Variants in TBC1D1 observed in about 807,000 individuals in gnomAD.
The protein encoded by TBC1D1 is TBC1 (tre-2/USP6, BUB2, cdc16) domain family, member 1.
Under a neutral mutation model 125.6 loss-of-function variants are expected in TBC1D1, and 89 were observed. The ratio of observed to expected loss-of-function variants is 0.71; its 90% CI spans 0.60 to 0.85. The LOEUF (loss-of-function observed/expected upper bound fraction) is 0.85. Ranked by LOEUF, TBC1D1 falls within the 40% of genes least tolerant of loss-of-function variation. TBC1D1 has a pLI of 0.00. For missense variants in TBC1D1, 1,377 were observed against 1,469.2 expected (o/e 0.94, Z 1.03); for synonymous variants, 565 against 564.1 (o/e 1.00, Z -0.02).
intron 2 of TBC1D1, among the ~76,000 whole-genome samples, chr4:37,911,131 C>CTTTTTTTT: frequency 1.1e-5 from 1 of 94,920 alleles, no homozygotes; most frequent in South Asian, 4.0e-4. Flanking sequence ...TCCCCTCCTC[C>CTTTTTTTT]TTTTTTTTTT....
chr4:38,103,879 G>T (rs1760798757), intron 15 of TBC1D1, among the ~76,000 whole-genome samples: 1 of 151,614 alleles, frequency 6.6e-6, no homozygotes, highest in Non-Finnish European at 1.5e-5. Flanking sequence ...GGAGGATGTG[G>T]CCGGGCACAG....
At chr4:37,960,814 G>A (rs1729875749) in intron 2 of TBC1D1, 1 of 1,614,044 alleles carries the variant, frequency 6.2e-7, no homozygotes, top group African/African-American at 1.3e-5. Context: ...GACTTTGAGA[G>A]TTTTGACCTG....
At chr4:38,054,563 C>A (rs1045429319) in intron 12 of TBC1D1, among the ~76,000 whole-genome samples, 1 of 152,178 alleles carries the variant, frequency 6.6e-6, no homozygotes, top group African/African-American at 2.4e-5. Context: ...AGGAGCAGAG[C>A]TCTGATGTTT....
At chr4:38,104,656 G>A (rs2152561107) in intron 15 of TBC1D1, among the ~76,000 whole-genome samples, 1 of 152,306 alleles carries the variant, frequency 6.6e-6, no homozygotes, top group East Asian at 1.9e-4. Flanking sequence ...CCACGACAGA[G>A]GATGCAGTGT....
chr4:37,973,233 C>T (rs1732412802), intron 2 of TBC1D1, among the ~76,000 whole-genome samples: 2 of 152,184 alleles, frequency 1.3e-5, no homozygotes, highest in Admixed American at 1.3e-4. Flanking sequence ...AAAGATAACA[C>T]AAACCTTAGA....
intron 8 of TBC1D1, among the ~76,000 whole-genome samples, chr4:38,038,668 C>T (rs890014312): frequency 1.3e-5 from 2 of 152,156 alleles, no homozygotes; most frequent in African/African-American, 2.4e-5. Flanking sequence ...TTTCATCCTG[C>T]CGGGCGCAGT....
At chr4:38,042,335 A>G (rs1287451209) in intron 8 of TBC1D1, among the ~76,000 whole-genome samples, 1 of 151,858 alleles carries the variant, frequency 6.6e-6, no homozygotes, top group Non-Finnish European at 1.5e-5. Context: ...GCTCACTGCA[A>G]TCTCTGCCTC....
chr4:38,137,458 G>T lies in TBC1D1; in HGVS notation c.*123G>T. ...TGCTTCTCAGGGAGGAAACCGGCTT[G>T]CCAGCAAGTAGATTCTTACGAACTC... On this transcript the variant is annotated 3_prime_UTR_variant, in exon 20 of 20. Transcript: ENST00000261439. 2.3e-6 allele frequency: 3 copies of T among 1,290,452 alleles called. No individual in the cohort carries two copies. The highest frequency in any genetic ancestry group is 3.0e-6 in the Non-Finnish European group (3 of 1,012,884). The allele number at this position is 1,290,452 out of a possible 1,614,324, so 79.9% of individuals were successfully genotyped here.
rs770136520 is a variant in TBC1D1 at position 37,902,222 on chromosome 4, G to C, written c.127G>C (p.Val43Leu). 7 of 1,614,008 alleles carry C rather than the reference G, an allele frequency of 4.3e-6. No homozygotes were observed. The highest frequency in any genetic ancestry group is 2.5e-6 in the Non-Finnish European group (3 of 1,180,010). Reference sequence around the variant, plus strand: ...GACCACCATGCCCATGCTGCCCTGGGTTGTGGCTGAGGTGCGAAGACTCAG... The same window carrying C: ...GACCACCATGCCCATGCTGCCCTGGCTTGTGGCTGAGGTGCGAAGACTCAG... The change falls in exon 2 of 20, where the codon GTT becomes CTT. Residue 43 changes from valine (V) to leucine (L), a missense_variant. Coordinates refer to ENST00000261439, the MANE Select transcript of TBC1D1 (RefSeq NM_015173.4).
intron 11 of TBC1D1, among the ~76,000 whole-genome samples, chr4:38,052,712 ACGCGCGCG>A (rs58267781): frequency 4.2e-4 from 53 of 125,618 alleles, no homozygotes; most frequent in African/African-American, 1.5e-3. Context: ...ATACACACAC[ACGCGCGCG>A]CGCGCGCGCA....
intron 15 of TBC1D1, chr4:38,110,478 CA>C (rs1762023538): frequency 1.0e-6 from 1 of 985,144 alleles, no homozygotes; most frequent in South Asian, 4.7e-5. Context: ...GTTAGATGAG[CA>C]AAATTTTGTG....
At chr4:38,125,366 A>G (rs374367045) in intron 18 of TBC1D1, among the ~76,000 whole-genome samples, 7 of 152,330 alleles carry the variant, frequency 4.6e-5, no homozygotes, top group African/African-American at 1.7e-4. Flanking sequence ...AGCTGTAGAA[A>G]CCAGCACAGG....
intron 12 of TBC1D1, among the ~76,000 whole-genome samples, chr4:38,068,198 G>A (rs145705555): frequency 4.6e-5 from 7 of 152,236 alleles, no homozygotes; most frequent in East Asian, 1.9e-4. Flanking sequence ...CAAAACTGTC[G>A]CGGAAATCCC....
chr4:37,944,094 G>A (rs957528965), intron 2 of TBC1D1, among the ~76,000 whole-genome samples: 1 of 152,218 alleles, frequency 6.6e-6, no homozygotes, highest in African/African-American at 2.4e-5. Flanking sequence ...GTTTGCTGGA[G>A]GTCCACTCCA....
chr4:37,916,035 T>A (rs1240186705), intron 2 of TBC1D1, among the ~76,000 whole-genome samples: 1 of 152,200 alleles, frequency 6.6e-6, no homozygotes, highest in Non-Finnish European at 1.5e-5. Context: ...TCCTTTTAGA[T>A]GCAACTGGAG....
chr4:37,955,619 T>G (rs190490452), intron 2 of TBC1D1, among the ~76,000 whole-genome samples: 6 of 152,292 alleles, frequency 3.9e-5, no homozygotes, highest in African/African-American at 1.4e-4. Context: ...ATATTTACAA[T>G]CCACGGTTGG....
chr4:37,992,274 GCGCTTGA>G (rs1736737267), intron 2 of TBC1D1, among the ~76,000 whole-genome samples: 1 of 152,118 alleles, frequency 6.6e-6, no homozygotes, highest in Non-Finnish European at 1.5e-5. Flanking sequence ...GCCCGGACCA[GCGCTTGA>G]GGTTTTGGGC....
At chr4:38,008,813 C>T (rs1282784037) in intron 2 of TBC1D1, among the ~76,000 whole-genome samples, 2 of 152,204 alleles carry the variant, frequency 1.3e-5, no homozygotes, top group Non-Finnish European at 2.9e-5. Flanking sequence ...TCTGTGCCTT[C>T]GCCCATGTTT....
At position 38,074,968 on chromosome 4, in the gene TBC1D1, C is replaced by G. The variant is rs377171895; in HGVS notation, c.2051-14964C>G. On this transcript the variant is annotated intron_variant, in intron 12 of 19. Transcript: ENST00000261439. ...TAGAGACAGGGTTTTGCCATGTTGT[C>G]CAGACTAGTCTTGAACTCCTGACCT... Among the ~76,000 whole-genome samples, 11 of 152,214 alleles carry G rather than the reference C, an allele frequency of 7.2e-5. No homozygotes were observed. The East Asian group carries it at 1.9e-3, about 27-fold the overall frequency.
Sources: gnomAD v4.1 joint callset for allele counts (sites outside exome capture counted in the v4.1 genomes callset) on GRCh38, gnomAD v4.1.1 for gene constraint, MANE v1.5 for transcripts, NCBI Gene and HGNC (gene_info 2026-07-23, HGNC 2026-07-21) for gene names.